Variants in TEAD1 observed in about 807,000 individuals in gnomAD.
TEAD1 encodes TEA domain transcription factor 1, also known as transcriptional enhancer factor TEF-1.
A neutral mutation model predicts 54.9 loss-of-function variants in TEAD1; 9 were observed. The ratio of observed to expected loss-of-function variants is 0.16; its 90% CI spans 0.10 to 0.29. The LOEUF (loss-of-function observed/expected upper bound fraction) is 0.29. Among genes scored for constraint, TEAD1 ranks in the 10% least tolerant of loss-of-function variants. The pLI is 1.00. For synonymous variants in TEAD1, 200 were observed against 187.8 expected (o/e 1.07, Z -0.53); for missense variants, 387 against 535.9 (o/e 0.72, Z 2.74).
chr11:12,884,440 C>A (rs529912394), intron 9 of TEAD1, among the ~76,000 whole-genome samples: 1 of 152,150 alleles, frequency 6.6e-6, no homozygotes, highest in Non-Finnish European at 1.5e-5. Flanking sequence ...TATCGGGAGA[C>A]AGTGTCAAGA....
chr11:12,816,465 C>T (rs1445690054), intron 3 of TEAD1, among the ~76,000 whole-genome samples: 1 of 152,148 alleles, frequency 6.6e-6, no homozygotes, highest in African/African-American at 2.4e-5. Flanking sequence ...CTTTAAGTTA[C>T]CCCGCCCCCT....
intron 3 of TEAD1, among the ~76,000 whole-genome samples, chr11:12,764,875 G>A (rs1423807366): frequency 6.7e-6 from 1 of 149,748 alleles, no homozygotes; most frequent in African/African-American, 2.5e-5. Flanking sequence ...TTGAGGAAGA[G>A]CCAGCATTCT....
chr11:12,703,674 G>A (rs148844608), intron 2 of TEAD1, among the ~76,000 whole-genome samples: 25 of 152,254 alleles, frequency 1.6e-4, no homozygotes, highest in African/African-American at 5.3e-4. Flanking sequence ...TATATTCTCA[G>A]TGCTTTGTTT....
intron 3 of TEAD1, among the ~76,000 whole-genome samples, chr11:12,786,394 C>A (rs927549299): frequency 1.3e-5 from 2 of 152,186 alleles, no homozygotes; most frequent in African/African-American, 2.4e-5. Flanking sequence ...CTCTGCCTCT[C>A]CCAGCTGACC....
intron 3 of TEAD1, among the ~76,000 whole-genome samples, chr11:12,801,172 A>G (rs550038352): frequency 9.2e-5 from 14 of 152,248 alleles, no homozygotes; most frequent in Non-Finnish European, 7.3e-5. Context: ...TCACAAGAAA[A>G]GAGTAAGTGT....
intron 2 of TEAD1, among the ~76,000 whole-genome samples, chr11:12,678,585 T>C (rs7102432): frequency 0.52 from 79,469 of 152,064 alleles, 21,990 homozygotes; most frequent in African/African-American, 0.72. Flanking sequence ...TATTCATGGT[T>C]GAGCTTTTTG....
At chr11:12,705,166 C>G (rs1030664240) in intron 2 of TEAD1, among the ~76,000 whole-genome samples, 1 of 152,208 alleles carries the variant, frequency 6.6e-6, no homozygotes, top group African/African-American at 2.4e-5. Flanking sequence ...GACAGAAGCA[C>G]TCAGGGAATT....
intron 5 of TEAD1, chr11:12,878,938 G>A: frequency 7.8e-7 from 1 of 1,277,236 alleles, no homozygotes. Context: ...CTGTATTTTA[G>A]CTGTGCTTGG....
At chr11:12,781,337 T>C (rs2133948226) in intron 3 of TEAD1, among the ~76,000 whole-genome samples, 1 of 152,214 alleles carries the variant, frequency 6.6e-6, no homozygotes, top group African/African-American at 2.4e-5. Flanking sequence ...TCATGAAAAT[T>C]AAAAAACTTT....
intron 3 of TEAD1, among the ~76,000 whole-genome samples, chr11:12,798,888 G>A (rs917796101): frequency 2.0e-5 from 3 of 152,152 alleles, no homozygotes; most frequent in African/African-American, 4.8e-5. Flanking sequence ...CTCAGTCCAC[G>A]AATTGGTTTG....
At chr11:12,689,441 A>G (rs373724125) in intron 2 of TEAD1, among the ~76,000 whole-genome samples, 1 of 152,202 alleles carries the variant, frequency 6.6e-6, no homozygotes, top group East Asian at 1.9e-4. Flanking sequence ...TCTGAAGCAC[A>G]GTTTCCTAAC....
intron 3 of TEAD1, among the ~76,000 whole-genome samples, chr11:12,787,589 C>T (rs922525874): frequency 5.9e-5 from 9 of 152,272 alleles, no homozygotes; most frequent in African/African-American, 2.2e-4. Context: ...AGCTTGAAAG[C>T]ATTTCTTTGT....
intron 2 of TEAD1, among the ~76,000 whole-genome samples, chr11:12,717,244 C>T (rs1449331938): frequency 2.0e-5 from 3 of 152,168 alleles, no homozygotes; most frequent in Non-Finnish European, 4.4e-5. Flanking sequence ...TTTCTGCCTA[C>T]AGTTGTGTGT....
At chr11:12,911,499 A>C (rs977072339) in intron 10 of TEAD1, among the ~76,000 whole-genome samples, 1 of 152,194 alleles carries the variant, frequency 6.6e-6, no homozygotes, top group African/African-American at 2.4e-5. Flanking sequence ...TCAGCTCAAT[A>C]AGTTTTCCAT....
chr11:12,884,820 G>C (rs1206663391), intron 9 of TEAD1, among the ~76,000 whole-genome samples: 1 of 152,130 alleles, frequency 6.6e-6, no homozygotes, highest in Admixed American at 6.5e-5. Flanking sequence ...TGATGGTGAG[G>C]GTTAAATCCG....
In TEAD1 at chr11:12,924,386, T is replaced by G. The variant is rs141000108; in HGVS notation, c.874-526T>G. The stretch of plus-strand genomic sequence containing the variant: ...AGCATGAACCTTTCATAGTAGGTGC[T>G]TAATAAAAATGTGTTAAATGAATGG... On this transcript the variant is annotated intron_variant, in intron 10 of 12. Transcript: ENST00000527636. 1.5e-3 allele frequency among the ~76,000 whole-genome samples: 227 copies of G among 152,364 alleles called. 2 individuals carry two copies. The highest frequency in any genetic ancestry group is 5.1e-3 in the African/African-American group (213 of 41,592).
chr11:12,727,625 T>C (rs1246948643), intron 2 of TEAD1, among the ~76,000 whole-genome samples: 2 of 152,218 alleles, frequency 1.3e-5, no homozygotes, highest in Non-Finnish European at 2.9e-5. Context: ...CTGTACTGTA[T>C]ACCGATAGTT....
chr11:12,804,279 C>T (rs1041153495), intron 3 of TEAD1, among the ~76,000 whole-genome samples: 1 of 152,164 alleles, frequency 6.6e-6, no homozygotes, highest in Non-Finnish European at 1.5e-5. Context: ...ATTGAACTCC[C>T]CTTAATATGG....
chr11:12,811,319 T>C (rs920907996), intron 3 of TEAD1, among the ~76,000 whole-genome samples: 1 of 152,260 alleles, frequency 6.6e-6, no homozygotes, highest in African/African-American at 2.4e-5. Flanking sequence ...TGTGCAGGAC[T>C]GGTTACTGGT....
Sources: gnomAD v4.1 joint callset for allele counts (sites outside exome capture counted in the v4.1 genomes callset) on GRCh38, gnomAD v4.1.1 for gene constraint, MANE v1.5 for transcripts, NCBI Gene and HGNC (gene_info 2026-07-23, HGNC 2026-07-21) for gene names.